Variants in VWA3B observed in about 807,000 individuals in gnomAD.
The protein encoded by VWA3B is von Willebrand factor A domain-containing protein 3B.
Under a neutral mutation model 158.3 loss-of-function variants are expected in VWA3B, and 138 were observed. The ratio of observed to expected loss-of-function variants is 0.87; its 90% confidence interval spans 0.76 to 1.00. The LOEUF (loss-of-function observed/expected upper bound fraction) is 1.00. VWA3B is among the 50% of genes least tolerant of loss of function. The pLI is 0.00. For missense variants in VWA3B, 1,555 were observed against 1,565.1 expected, an observed-to-expected ratio of 0.99 and a Z score of 0.11; for synonymous variants, 596 against 587.3, an observed-to-expected ratio of 1.01 and a Z score of -0.21.
chr2:98,265,313 G>A (rs74800561), intron 21 of VWA3B, among the ~76,000 whole-genome samples: 9 of 151,272 alleles, frequency 5.9e-5, no homozygotes, highest in Admixed American at 1.3e-4. Context: ...TTGTTCTTGC[G>A]ATAGTTTACT....
downstream of VWA3B, among the ~76,000 whole-genome samples, chr2:98,313,901 T>C (rs886998080): frequency 6.6e-6 from 1 of 152,216 alleles, no homozygotes; most frequent in African/African-American, 2.4e-5. Context: ...TTCAGTGTAA[T>C]GGAGGAAGTT....
intron 11 of VWA3B, 137 bp from the exon 12 acceptor site, chr2:98,194,224 C>T: frequency 1.4e-6 from 1 of 734,818 alleles, no homozygotes. Context: ...ATAGGATATT[C>T]TCTATTGAAT....
Position 98,300,214 on chromosome 2 carries a change from A to G in VWA3B, c.3418A>G (p.Arg1140Gly). 1 of 1,614,014 alleles carries G rather than the reference A, an allele frequency of 6.2e-7. No individual in the cohort carries two copies. Among genetic ancestry groups the G allele is most frequent in the Non-Finnish European group, 8.5e-7 (1 of 1,179,986 alleles). The change falls in exon 25 of 28, where the codon AGA becomes GGA. Residue 1140 changes from arginine (R) to glycine (G), a missense_variant and splice_region_variant. Transcript: ENST00000477737. ...CACAGTTTTGAAGTGTAACAACCGG[A>G]GAGTAAGTAGATTTTCATTTAGAAA... Reference protein sequence around the residue: ...FYTVLKCNNRREFCPRSALIK... With the variant: ...FYTVLKCNNRGEFCPRSALIK...
chr2:98,237,561 G>A (rs1685786755), intron 19 of VWA3B, among the ~76,000 whole-genome samples: 1 of 152,178 alleles, frequency 6.6e-6, no homozygotes, highest in South Asian at 2.1e-4. Context: ...GAAGGCCAAG[G>A]AAGTACTGAA....
rs779561728 is a variant in VWA3B at position 98,128,339 on chromosome 2, T to C, written c.803T>C (p.Val268Ala). 5 of 1,614,146 alleles carry C rather than the reference T, an allele frequency of 3.1e-6. No homozygotes were observed. The highest frequency in any genetic ancestry group is 4.2e-6 in the Non-Finnish European group (5 of 1,180,006). ...ALEIPCPVYT[V>A]SFNARGEGTI... Reference sequence around the variant, plus strand: ...GAGATCCCGTGTCCAGTCTACACAGTGTCCTTCAACGCCAGAGGAGAAGGC... The same window carrying C: ...GAGATCCCGTGTCCAGTCTACACAGCGTCCTTCAACGCCAGAGGAGAAGGC... The change falls in exon 6 of 28, where the codon GTG becomes GCG. Residue 268 changes from valine (V) to alanine (A), a missense_variant. Physicochemically the swap from Val to Ala is moderately conservative, Grantham distance 64. Coordinates refer to ENST00000477737, the MANE Select transcript of VWA3B (RefSeq NM_144992.5).
Position 98,300,075 on chromosome 2 carries a change from G to A in VWA3B, c.3283-4G>A. The A allele has an allele frequency of 6.2e-7, 1 of 1,614,166 alleles. No homozygotes were observed. The highest frequency in any genetic ancestry group is 8.5e-7 in the Non-Finnish European group (1 of 1,180,032). ...AAATATTTGCTCTATGTTCTCCTCTGCAGGTTGGAGATTATGTGTTTGCCA... is the reference window on the plus strand; with the variant it reads ...AAATATTTGCTCTATGTTCTCCTCTACAGGTTGGAGATTATGTGTTTGCCA... On this transcript the variant is annotated splice_region_variant and splice_polypyrimidine_tract_variant and intron_variant, in intron 24 of 27. Transcript: ENST00000477737.
chr2:98,232,123 A>T (rs773751375), intron 16 of VWA3B, among the ~76,000 whole-genome samples: 3 of 151,936 alleles, frequency 2.0e-5, no homozygotes, highest in Non-Finnish European at 4.4e-5. Flanking sequence ...CGGCCTAGGG[A>T]TTTCTTTTCC....
rs564927283 is a variant in VWA3B, at chr2:98,152,482, G to A, written c.989-10369G>A. Among the ~76,000 whole-genome samples the A allele has an allele frequency of 4.6e-5, 7 of 152,192 alleles. No individual in the cohort carries two copies. The East Asian group carries it at 7.7e-4, about 17-fold the overall frequency. Reference sequence around the variant, plus strand: ...CTTTTTAGGTTGTGAAGGTCCTGTCGGCACAGGAGGAGGGAGTCTATTTAG... The same window carrying A: ...CTTTTTAGGTTGTGAAGGTCCTGTCAGCACAGGAGGAGGGAGTCTATTTAG... On this transcript the variant is annotated intron_variant, in intron 7 of 27. Coordinates refer to ENST00000477737, the MANE Select transcript of VWA3B (RefSeq NM_144992.5).
At chr2:98,147,842 A>G (rs866454320) in intron 7 of VWA3B, among the ~76,000 whole-genome samples, 1 of 145,576 alleles carries the variant, frequency 6.9e-6, no homozygotes, top group Non-Finnish European at 1.5e-5. Flanking sequence ...TAATGCTATC[A>G]CTCCCCCCTC....
chr2:98,242,265 G>A (rs1056995260), intron 19 of VWA3B: 13 of 455,984 alleles, frequency 2.9e-5, no homozygotes, highest in East Asian at 2.8e-4. Flanking sequence ...AGTGTTTCCC[G>A]GACCAGCCTC....
intron 12 of VWA3B, chr2:98,207,064 A>G: frequency 3.9e-6 from 2 of 506,766 alleles, no homozygotes; most frequent in Non-Finnish European, 8.0e-6. Context: ...GTTTATTGAT[A>G]ATATCTTTCA....
chr2:98,248,198 A>G, intron 19 of VWA3B, among the ~76,000 whole-genome samples: 1 of 152,270 alleles, frequency 6.6e-6, no homozygotes, highest in East Asian at 1.9e-4. Context: ...ACCTAATAAT[A>G]AATAAACAAT....
rs1376194533 is a variant in VWA3B at position 98,181,188 on chromosome 2, G to A, written c.1287G>A (p.Glu429=). ...TTGTGGATATAAAAGCCAAACCGGAGAATGAGTCCGTGCAGACCAGTGCGG... is the reference window on the plus strand; with the variant it reads ...TTGTGGATATAAAAGCCAAACCGGAAAATGAGTCCGTGCAGACCAGTGCGG... ...DGVVDIKAKP[E]NESVQTSAET... Residue 429 remains glutamate (E), a synonymous_variant, in exon 9 of 28, where the codon GAG becomes GAA. Transcript: ENST00000477737. The A allele has an allele frequency of 1.2e-6, 2 of 1,614,180 alleles. No homozygotes were observed. Among genetic ancestry groups the A allele is most frequent in the Non-Finnish European group, 1.7e-6 (2 of 1,180,006 alleles).
chr2:98,108,404 G>C (rs911714037), intron 2 of VWA3B, among the ~76,000 whole-genome samples: 4 of 152,158 alleles, frequency 2.6e-5, no homozygotes, highest in African/African-American at 9.7e-5. Context: ...TATCCTTCCT[G>C]ATTTTCTTGT....
chr2:98,145,104 T>G (rs1677075422), intron 7 of VWA3B, among the ~76,000 whole-genome samples: 4 of 152,230 alleles, frequency 2.6e-5, no homozygotes, highest in Admixed American at 2.6e-4. Context: ...TTAAAGTCCA[T>G]TAAGTGTTAG....
At position 98,236,640 on chromosome 2, in the gene VWA3B, C is replaced by T; in HGVS notation, c.2583C>T (p.Leu861=). ...GCTTGGTCGCCAAGAAACTCACCCT[C>T]ATGGATGCCTTGTCAGTGGCAGCAG... ...TYGLVAKKLT[L]MDALSVAAVP... is the part of the protein sequence containing the mutation. The change falls in exon 19 of 28, where the codon CTC becomes CTT. Residue 861 remains leucine (L), a synonymous_variant. Coordinates refer to ENST00000477737, the MANE Select transcript of VWA3B (RefSeq NM_144992.5). 5 of 1,614,122 alleles carry T rather than the reference C, an allele frequency of 3.1e-6. No individual in the cohort carries two copies. Among genetic ancestry groups the T allele is most frequent in the Non-Finnish European group, 3.4e-6 (4 of 1,180,050 alleles).
chr2:98,320,804 C>G, the VWA3B span, among the ~76,000 whole-genome samples: 6 of 152,156 alleles, frequency 3.9e-5, no homozygotes, highest in Admixed American at 3.9e-4. Context: ...CCCAATGATG[C>G]AATAGGAGAG....
chr2:98,098,594 G>T (rs1682871779), intron 2 of VWA3B, among the ~76,000 whole-genome samples: 1 of 152,080 alleles, frequency 6.6e-6, no homozygotes. Flanking sequence ...TTTTCAGTCT[G>T]TGTGTCCTTA....
At chr2:98,164,474 T>C (rs989629247) in intron 8 of VWA3B, among the ~76,000 whole-genome samples, 2 of 152,170 alleles carry the variant, frequency 1.3e-5, no homozygotes, top group Non-Finnish European at 2.9e-5. Flanking sequence ...TATATTTAGC[T>C]CATTTAAGCC....
Sources: gnomAD v4.1 joint callset for allele counts (sites outside exome capture counted in the v4.1 genomes callset) on GRCh38, gnomAD v4.1.1 for gene constraint, MANE v1.5 for transcripts, NCBI Gene and HGNC (gene_info 2026-07-23, HGNC 2026-07-21) for gene names.